Variants in TTC29 observed in about 807,000 individuals in gnomAD.
The protein encoded by TTC29 is tetratricopeptide repeat protein 29.
In TTC29, 49 loss-of-function variants were observed where a neutral mutation model predicts 58.1. The ratio of observed to expected loss-of-function variants is 0.84; its 90% CI spans 0.67 to 1.07. The LOEUF (loss-of-function observed/expected upper bound fraction) is 1.07, where lower values mean the gene tolerates loss of function less well. Among genes scored for constraint, TTC29 ranks in the 50% least tolerant of loss-of-function variants. The pLI, the probability that TTC29 is intolerant of heterozygous loss-of-function variation, is 0.00. For synonymous variants in TTC29, 209 were observed against 196.8 expected (o/e 1.06, Z -0.52); for missense variants, 582 against 555.6 (o/e 1.05, Z -0.48).
chr4:146,757,961 G>A (rs1303989624), intron 11 of TTC29, among the ~76,000 whole-genome samples: 1 of 151,496 alleles, frequency 6.6e-6, no homozygotes, highest in Non-Finnish European at 1.5e-5. Flanking sequence ...AGGCAACAAA[G>A]AGCACAATGA....
intron 4 of TTC29, among the ~76,000 whole-genome samples, chr4:146,913,919 G>T (rs1734055984): frequency 6.6e-6 from 1 of 152,056 alleles, no homozygotes; most frequent in Admixed American, 6.6e-5. Flanking sequence ...TTTTAAAAAA[G>T]ATCATTCTTT....
chr4:146,872,727 TA>T lies in TTC29; in HGVS notation c.799+1988del, dbSNP rs1166042401. Among the ~76,000 whole-genome samples the T allele has an allele frequency of 2.0e-5, 3 of 152,078 alleles. No individual in the cohort carries two copies. The East Asian group carries it at 5.8e-4, about 29-fold the overall frequency. ...ACTAGGATGAGTATAATGAAGAAGA[TA>T]AAAGTAAGAAGTGCTGCTGAGGAAA... is the stretch of plus-strand genomic sequence containing the variant. On this transcript the variant is annotated intron_variant, in intron 7 of 12. Coordinates refer to ENST00000325106, the MANE Select transcript of TTC29 (RefSeq NM_031956.4).
At chr4:146,814,059 G>C (rs891893541) in intron 10 of TTC29, among the ~76,000 whole-genome samples, 60 of 152,248 alleles carry the variant, frequency 3.9e-4, no homozygotes, top group African/African-American at 1.4e-3. Context: ...CTCTTAAGTG[G>C]TATGAAACTG....
At chr4:146,937,274 A>T (rs1160340362) in intron 4 of TTC29, among the ~76,000 whole-genome samples, 1 of 152,034 alleles carries the variant, frequency 6.6e-6, no homozygotes, top group Non-Finnish European at 1.5e-5. Flanking sequence ...TGTTTCTTAA[A>T]GCTTTTTTCT....
intron 11 of TTC29, among the ~76,000 whole-genome samples, chr4:146,801,529 CT>C (rs1222742162): frequency 6.6e-6 from 1 of 152,062 alleles, no homozygotes; most frequent in African/African-American, 2.4e-5. Context: ...ATCTGCCCCC[CT>C]CTACCATACA....
intron 9 of TTC29, among the ~76,000 whole-genome samples, chr4:146,822,110 G>A (rs1458378443): frequency 1.6e-5 from 2 of 121,532 alleles, no homozygotes; most frequent in Non-Finnish European, 3.2e-5. Context: ...AGTTCAGAAA[G>A]TATTTTCTTT....
chr4:146,804,245 C>T (rs1241706247), intron 10 of TTC29, among the ~76,000 whole-genome samples: 1 of 152,166 alleles, frequency 6.6e-6, no homozygotes, highest in African/African-American at 2.4e-5. Flanking sequence ...ATGGTCTTCG[C>T]AACCCACAGA....
intron 4 of TTC29, among the ~76,000 whole-genome samples, chr4:146,926,590 G>A (rs777100866): frequency 4.6e-5 from 7 of 152,040 alleles, no homozygotes; most frequent in Admixed American, 1.3e-4. Flanking sequence ...AGCCTCCTGA[G>A]TAGCTGGGAT....
At chr4:146,830,602 G>C (rs1438010444) in intron 9 of TTC29, among the ~76,000 whole-genome samples, 1 of 152,152 alleles carries the variant, frequency 6.6e-6, no homozygotes, top group East Asian at 1.9e-4. Flanking sequence ...AGGAAAAAGA[G>C]ATTTAGAGGT....
chr4:146,869,139 AC>A (rs1379446968), intron 7 of TTC29, among the ~76,000 whole-genome samples: 1 of 150,830 alleles, frequency 6.6e-6, no homozygotes, highest in Non-Finnish European at 1.5e-5. Context: ...TTTATAAATT[AC>A]CCACCCTCAG....
chr4:146,914,282 T>G (rs1036105385), intron 4 of TTC29, among the ~76,000 whole-genome samples: 2 of 152,172 alleles, frequency 1.3e-5, no homozygotes, highest in Non-Finnish European at 2.9e-5. Flanking sequence ...ACTTGCTGTA[T>G]GAAAGAGAAT....
Position 146,919,518 on chromosome 4 carries a change from T to A in TTC29, c.177-10269A>T, listed in dbSNP as rs575732623. ...GGACTAAATATACATGTAAATATCA[T>A]CATACTCACTCATCAAATGATCATT... On this transcript the variant is annotated intron_variant, in intron 4 of 12. Transcript: ENST00000325106. Among the ~76,000 whole-genome samples the A allele has an allele frequency of 2.6e-5, 4 of 151,096 alleles. No homozygotes were observed. In the South Asian group the frequency reaches 8.3e-4, roughly 31 times the overall value.
At position 146,840,248 on chromosome 4, in the gene TTC29, A is replaced by C. The variant is rs368271478; in HGVS notation, c.886-6351T>G. On this transcript the variant is annotated intron_variant, in intron 8 of 12. Transcript: ENST00000325106. ...TTTTTCACAATGTCCCTTATCACAT[A>C]AGCGTGGAAGAGATGAAAAAAGGAA... Among the ~76,000 whole-genome samples, 21 of 151,192 alleles carry C rather than the reference A, an allele frequency of 1.4e-4. No individual in the cohort carries two copies. The East Asian group carries it at 2.7e-3, about 20-fold the overall frequency.
intron 8 of TTC29, among the ~76,000 whole-genome samples, chr4:146,859,221 C>T (rs1299754915): frequency 6.6e-6 from 1 of 151,994 alleles, no homozygotes; most frequent in Non-Finnish European, 1.5e-5. Context: ...AAGATTCATC[C>T]TATTATTATA....
intron 2 of TTC29, among the ~76,000 whole-genome samples, chr4:146,941,606 A>T (rs533348029): frequency 2.1e-4 from 32 of 152,330 alleles, no homozygotes; most frequent in African/African-American, 6.0e-4. Context: ...CAAAGGGATG[A>T]GTAAAAGCAG....
intron 11 of TTC29, among the ~76,000 whole-genome samples, chr4:146,745,881 C>T (rs1213463470): frequency 1.3e-5 from 2 of 152,204 alleles, no homozygotes; most frequent in African/African-American, 4.8e-5. Context: ...GCTTTTAGTA[C>T]TGGCCTCTAG....
chr4:146,758,900 G>A (rs555809308), intron 11 of TTC29, among the ~76,000 whole-genome samples: 39 of 151,958 alleles, frequency 2.6e-4, no homozygotes, highest in Non-Finnish European at 3.8e-4. Flanking sequence ...GAAAGAGCAC[G>A]AACTGACACT....
intron 10 of TTC29, among the ~76,000 whole-genome samples, chr4:146,809,157 A>G (rs1255595518): frequency 1.3e-5 from 2 of 150,048 alleles, no homozygotes; most frequent in Non-Finnish European, 3.0e-5. Flanking sequence ...TATTTAATAA[A>G]TGGTGCTGGG....
At chr4:146,836,962 A>G (rs1728552026) in intron 8 of TTC29, among the ~76,000 whole-genome samples, 1 of 152,142 alleles carries the variant, frequency 6.6e-6, no homozygotes, top group Admixed American at 6.6e-5. Context: ...TAGAAACAGA[A>G]CTACCATTCA....
Sources: gnomAD v4.1 joint callset for allele counts (sites outside exome capture counted in the v4.1 genomes callset) on GRCh38, gnomAD v4.1.1 for gene constraint, MANE v1.5 for transcripts, NCBI Gene and HGNC (gene_info 2026-07-23, HGNC 2026-07-21) for gene names.